TRPC7: variants seen among roughly 807,000 people sequenced by gnomAD.
The protein encoded by TRPC7 is transient receptor potential cation channel subfamily C member 7, also known as short transient receptor potential channel 7.
In TRPC7, 42 loss-of-function variants were observed where a neutral mutation model predicts 90.1. The observed-to-expected ratio is 0.47, with a 90% CI of 0.36 to 0.60. The LOEUF (loss-of-function observed/expected upper bound fraction) is 0.60. Among genes scored for constraint, TRPC7 ranks in the 20% least tolerant of loss-of-function variants. The pLI is 0.00. For missense variants in TRPC7, 955 were observed against 1,112.3 expected (o/e 0.86, Z 2.01); for synonymous variants, 451 against 436.3 (o/e 1.03, Z -0.42).
chr5:136,222,868 T>C (rs1755504776), intron 10 of TRPC7, among the ~76,000 whole-genome samples: 1 of 152,166 alleles, frequency 6.6e-6, no homozygotes, highest in African/African-American at 2.4e-5. Flanking sequence ...ATCTGTTACA[T>C]GGGGTTGAAG....
chr5:136,275,081 G>A (rs998100464), intron 3 of TRPC7, among the ~76,000 whole-genome samples: 4 of 152,088 alleles, frequency 2.6e-5, no homozygotes, highest in Non-Finnish European at 4.4e-5. Flanking sequence ...TTTGCAAACT[G>A]GGCCTAGAAA....
intron 8 of TRPC7, among the ~76,000 whole-genome samples, chr5:136,228,295 TG>T (rs1755695246): frequency 7.8e-6 from 1 of 127,618 alleles, no homozygotes; most frequent in Admixed American, 8.1e-5. Flanking sequence ...GTGGGTGGGG[TG>T]GGGGGTAGGG....
chr5:136,315,824 G>A (rs777360787), intron 2 of TRPC7, 45 bp from the exon 3 acceptor site: 8 of 1,578,894 alleles, frequency 5.1e-6, no homozygotes, highest in Middle Eastern at 1.7e-4. Flanking sequence ...ATGGAGGCCC[G>A]CAGATTGGCT....
intron 7 of TRPC7, among the ~76,000 whole-genome samples, chr5:136,237,903 C>T (rs1263768188): frequency 6.6e-6 from 1 of 152,218 alleles, no homozygotes; most frequent in Non-Finnish European, 1.5e-5. Flanking sequence ...TCAGATCCTG[C>T]CCCTCTCTGT....
intron 7 of TRPC7, among the ~76,000 whole-genome samples, chr5:136,246,437 G>T (rs1438231269): frequency 6.6e-6 from 1 of 152,184 alleles, no homozygotes; most frequent in African/African-American, 2.4e-5. Flanking sequence ...CAGCAGATGG[G>T]ACTGATCTGG....
In TRPC7 at chr5:136,213,541, G is replaced by A. The variant is rs1296065644; in HGVS notation, c.2483C>T (p.Ser828Phe). 3.1e-6 allele frequency: 5 copies of A among 1,614,068 alleles called. No individual in the cohort carries two copies. The highest frequency in any genetic ancestry group is 1.7e-5 in the Admixed American group (1 of 60,034). ...GTCTGCCAGCTCACCAGTAGCTTGAGATTTTTCCTCAAGAAGCTCATAGCG... is the reference window on the plus strand; with the variant it reads ...GTCTGCCAGCTCACCAGTAGCTTGAAATTTTTCCTCAAGAAGCTCATAGCG... The part of the protein sequence containing the change: ...SLRYELLEEK[S>F]QATGELADLI... The change falls in exon 12 of 12, where the codon TCT (serine) becomes TTT (phenylalanine). Residue 828 changes from serine (S) to phenylalanine (F), a missense_variant. By Grantham distance (155) the Ser-to-Phe change is radical. This residue lies in a region of TRPC7 where 296 missense variants were observed against 422.7 expected (regional missense o/e 0.70). Transcript: ENST00000513104.
intron 3 of TRPC7, among the ~76,000 whole-genome samples, chr5:136,310,305 G>A (rs1171736131): frequency 6.6e-6 from 1 of 151,422 alleles, no homozygotes; most frequent in African/African-American, 2.4e-5. Context: ...ACTTTTCAGT[G>A]AGTGAATGAA....
chr5:136,317,059 T>C (rs150945196), intron 2 of TRPC7, among the ~76,000 whole-genome samples: 14 of 152,288 alleles, frequency 9.2e-5, no homozygotes, highest in Admixed American at 4.6e-4. Flanking sequence ...TAACTGCTTG[T>C]TTGCTGGGAA....
intron 3 of TRPC7, among the ~76,000 whole-genome samples, chr5:136,279,866 T>C (rs1757488354): frequency 6.6e-6 from 1 of 152,190 alleles, no homozygotes; most frequent in South Asian, 2.1e-4. Context: ...CCTGCTCTTC[T>C]CTGGTTTAAC....
chr5:136,312,674 G>C (rs939374993), intron 3 of TRPC7, among the ~76,000 whole-genome samples: 2 of 152,138 alleles, frequency 1.3e-5, no homozygotes, highest in Non-Finnish European at 2.9e-5. Context: ...CTTGAACCAT[G>C]GTGGGTGACT....
In TRPC7 at chr5:136,315,618, G is replaced by A. The variant is rs1377690588; in HGVS notation, c.942C>T (p.Ala314=). The change falls in exon 3 of 12, where the codon GCC becomes GCT. Residue 314 remains alanine (A), a synonymous_variant. Coordinates refer to ENST00000513104, the MANE Select transcript of TRPC7 (RefSeq NM_020389.3). ...TTACCTTCTTGACTTCATATTTAAT[G>A]GCGAGTTTGATCCGGCTCAGACTTG... The part of the protein sequence containing the change: ...HRPSLSRIKL[A]IKYEVKKFVA... 1.2e-6 allele frequency: 2 copies of A among 1,613,850 alleles called. No homozygotes were observed. The highest frequency in any genetic ancestry group is 1.7e-6 in the Non-Finnish European group (2 of 1,179,798).
intron 3 of TRPC7, among the ~76,000 whole-genome samples, chr5:136,312,517 A>C (rs533990819): frequency 6.6e-6 from 1 of 152,340 alleles, no homozygotes; most frequent in East Asian, 1.9e-4. Flanking sequence ...TCTGTGAAGC[A>C]AAAGCTCATA....
intron 4 of TRPC7, among the ~76,000 whole-genome samples, chr5:136,270,539 C>T (rs1035043784): frequency 5.9e-5 from 9 of 152,232 alleles, no homozygotes; most frequent in East Asian, 5.8e-4. Context: ...CGAGCCTGTT[C>T]GGGATATCTC....
intron 2 of TRPC7, among the ~76,000 whole-genome samples, chr5:136,318,548 T>C (rs546461632): frequency 6.6e-6 from 1 of 152,330 alleles, no homozygotes; most frequent in Admixed American, 6.5e-5. Context: ...TCTCCCAACA[T>C]GACTGCATTG....
chr5:136,274,462 CCT>C lies in TRPC7; in HGVS notation c.1128+209_1128+210del, dbSNP rs919253792. On this transcript the variant is annotated intron_variant, in intron 4 of 11. Transcript: ENST00000513104. ...CTCTCGTGTTTAAAATTTTATTGCT[CCT>C]CTCTCTCTTTGAAAAAAAAAAGATT... is the stretch of plus-strand genomic sequence containing the variant. Among the ~76,000 whole-genome samples the C allele has an allele frequency of 5.6e-4, 85 of 151,820 alleles. 1 individual carries two copies. The highest frequency in any genetic ancestry group is 1.9e-3 in the African/African-American group (79 of 41,298).
At chr5:136,365,206 C>G in intron 1 of TRPC7, 47 bp downstream of exon 1, 1 of 1,517,796 alleles carries the variant, frequency 6.6e-7, no homozygotes, top group Non-Finnish European at 8.8e-7. Context: ...AACACAACCT[C>G]TACTGGAAAA....
At chr5:136,365,224 A>C (rs1760684445) in intron 1 of TRPC7, 29 bp downstream of exon 1, 2 of 1,533,926 alleles carry the variant, frequency 1.3e-6, no homozygotes, top group East Asian at 2.4e-5. Flanking sequence ...AAAAAAAATC[A>C]ATATGAAAGA....
At chr5:136,297,137 A>G (rs1179018241) in intron 3 of TRPC7, among the ~76,000 whole-genome samples, 1 of 152,174 alleles carries the variant, frequency 6.6e-6, no homozygotes, top group Non-Finnish European at 1.5e-5. Flanking sequence ...CTCAGAAGCC[A>G]TGAACCTCCT....
intron 3 of TRPC7, among the ~76,000 whole-genome samples, chr5:136,295,193 A>C (rs1427786528): frequency 1.3e-5 from 2 of 152,138 alleles, no homozygotes; most frequent in Non-Finnish European, 2.9e-5. Flanking sequence ...ATGCTAAATG[A>C]CGAGTTAATG....
Sources: allele counts gnomAD v4.1 joint callset (sites outside exome capture counted in the v4.1 genomes callset), GRCh38; gene constraint gnomAD v4.1.1; regional missense constraint gnomAD v4.1.1; transcripts MANE v1.5; gene names NCBI Gene and HGNC (gene_info 2026-07-23, HGNC 2026-07-21).